The following PXDNL variants were observed in gnomAD, a reference collection of about 807,000 sequenced individuals.
PXDNL encodes the protein probable oxidoreductase PXDNL.
A neutral mutation model predicts 150.8 loss-of-function variants in PXDNL; 145 were observed. The ratio of observed to expected loss-of-function variants is 0.96; its 90% CI spans 0.84 to 1.10. The LOEUF (loss-of-function observed/expected upper bound fraction) is 1.10. PXDNL is among the 50% of genes least tolerant of loss of function. The probability of loss-of-function intolerance (pLI) is 0.00; values close to 1 mark genes in which losing one functional copy is unlikely to be tolerated. For missense variants in PXDNL, 2,087 were observed against 1,873.9 expected (o/e 1.11, Z -2.10); for synonymous variants, 757 against 725.7 (o/e 1.04, Z -0.69).
chr8:51,514,960 C>T (rs1403444293), intron 4 of PXDNL, among the ~76,000 whole-genome samples: 1 of 152,236 alleles, frequency 6.6e-6, no homozygotes, highest in Non-Finnish European at 1.5e-5. Context: ...AAACTTTGGT[C>T]TGAAGCATCA....
At chr8:51,803,643 G>T (rs974604745) in intron 1 of PXDNL, among the ~76,000 whole-genome samples, 5 of 152,176 alleles carry the variant, frequency 3.3e-5, no homozygotes, top group African/African-American at 1.2e-4. Flanking sequence ...CAGCTGCAAG[G>T]GGGGCACATT....
intron 1 of PXDNL, among the ~76,000 whole-genome samples, chr8:51,760,701 T>C (rs1454634812): frequency 6.6e-6 from 1 of 152,194 alleles, no homozygotes; most frequent in African/African-American, 2.4e-5. Flanking sequence ...CCCATAGTCA[T>C]AATCATGCGT....
intron 1 of PXDNL, among the ~76,000 whole-genome samples, chr8:51,806,244 A>G (rs2037674210): frequency 6.6e-6 from 1 of 152,240 alleles, no homozygotes; most frequent in African/African-American, 2.4e-5. Context: ...ACATGTAAAA[A>G]TGGAAAAAAT....
Position 51,809,387 on chromosome 8 carries a change from A to T in PXDNL, c.-43T>A. The T allele has an allele frequency of 3.4e-6, 5 of 1,490,644 alleles. No homozygotes were observed. Among genetic ancestry groups the T allele is most frequent in the Non-Finnish European group, 4.5e-6 (5 of 1,121,658 alleles). 92.3% of individuals were successfully genotyped at this position (1,490,644 alleles called of 1,614,324 possible). ...GCCACGCGAAGAAGCAGCCGGAGGG[A>T]GAGCAGCAGCTGCAGCTGCAGCAGC... On this transcript the variant is annotated 5_prime_UTR_variant, in exon 1 of 23. Coordinates refer to ENST00000356297, the MANE Select transcript of PXDNL (RefSeq NM_144651.5).
rs191524186 is a variant in PXDNL, at chr8:51,546,276, C to T, written c.380+10564G>A. On this transcript the variant is annotated intron_variant, in intron 4 of 22. Transcript: ENST00000356297. ...ATCACAAGGGAAGGATTTAACCTTACCTATACCTGAAATGGATTTAAGGAG... is the reference window on the plus strand; with the variant it reads ...ATCACAAGGGAAGGATTTAACCTTATCTATACCTGAAATGGATTTAAGGAG... Among the ~76,000 whole-genome samples, 568 of 152,330 alleles carry T rather than the reference C, an allele frequency of 3.7e-3. 2 individuals are homozygous for T. The highest frequency in any genetic ancestry group is 0.014 in the Middle Eastern group (4 of 294).
chr8:51,384,672 T>A (rs1402635121), intron 17 of PXDNL, among the ~76,000 whole-genome samples: 1 of 152,160 alleles, frequency 6.6e-6, no homozygotes, highest in Non-Finnish European at 1.5e-5. Flanking sequence ...CTCAAGCGAC[T>A]TTTGTTTTTA....
chr8:51,402,708 A>G (rs1808294329), intron 17 of PXDNL, among the ~76,000 whole-genome samples: 1 of 152,186 alleles, frequency 6.6e-6, no homozygotes, highest in Admixed American at 6.5e-5. Flanking sequence ...ATTTATGTTC[A>G]CCATTCAGTG....
At chr8:51,666,412 G>A (rs969056860) in intron 1 of PXDNL, among the ~76,000 whole-genome samples, 1 of 152,074 alleles carries the variant, frequency 6.6e-6, no homozygotes, top group African/African-American at 2.4e-5. Flanking sequence ...GTATATGCAT[G>A]AGGAAGCATA....
intron 1 of PXDNL, among the ~76,000 whole-genome samples, chr8:51,748,025 G>A (rs549731154): frequency 2.2e-4 from 33 of 152,166 alleles, no homozygotes; most frequent in Non-Finnish European, 4.1e-4. Flanking sequence ...ATCTGAGTGT[G>A]AGTGGTAAAT....
At chr8:51,710,530 T>C (rs1816477593) in intron 1 of PXDNL, among the ~76,000 whole-genome samples, 1 of 152,204 alleles carries the variant, frequency 6.6e-6, no homozygotes, top group South Asian at 2.1e-4. Flanking sequence ...TGTTGTACAA[T>C]AGATCTCCTG....
At chr8:51,325,399 G>A (rs1805451585) in intron 21 of PXDNL, among the ~76,000 whole-genome samples, 1 of 152,174 alleles carries the variant, frequency 6.6e-6, no homozygotes, top group Admixed American at 6.5e-5. Context: ...GGGAATAGAA[G>A]TCCAGGTTCC....
intron 4 of PXDNL, among the ~76,000 whole-genome samples, chr8:51,533,096 C>A (rs549759521): frequency 2.6e-5 from 4 of 152,168 alleles, no homozygotes; most frequent in Non-Finnish European, 5.9e-5. Context: ...GAATCAGAAT[C>A]TTCTTTTAAA....
At chr8:51,541,930 C>T (rs1290654054) in intron 4 of PXDNL, among the ~76,000 whole-genome samples, 1 of 152,114 alleles carries the variant, frequency 6.6e-6, no homozygotes, top group Non-Finnish European at 1.5e-5. Flanking sequence ...CTGGTCTCTC[C>T]TATTCCATCA....
chr8:51,563,823 G>T (rs1042832227), intron 3 of PXDNL, among the ~76,000 whole-genome samples: 3 of 151,924 alleles, frequency 2.0e-5, no homozygotes, highest in African/African-American at 7.2e-5. Context: ...GTGGTATCAT[G>T]CTCTGCTCAA....
At chr8:51,620,397 A>T (rs1035716169) in intron 2 of PXDNL, among the ~76,000 whole-genome samples, 1 of 152,144 alleles carries the variant, frequency 6.6e-6, no homozygotes, top group Admixed American at 6.6e-5. Flanking sequence ...TTATTCCTAG[A>T]GTGATTTTAG....
intron 5 of PXDNL, among the ~76,000 whole-genome samples, chr8:51,487,703 T>C (rs1156455836): frequency 6.6e-6 from 1 of 152,194 alleles, no homozygotes; most frequent in African/African-American, 2.4e-5. Context: ...ATAAGACTTA[T>C]CTTTTGGAGA....
chr8:51,418,234 A>C lies in PXDNL; in HGVS notation c.1796-4976T>G, dbSNP rs141051043. Among the ~76,000 whole-genome samples, 410 of 152,304 alleles carry C rather than the reference A, an allele frequency of 2.7e-3. 2 individuals are homozygous for C. The highest frequency in any genetic ancestry group is 9.4e-3 in the African/African-American group (390 of 41,572). Reference sequence around the variant, plus strand: ...TATTTCCCCACTCATTGTATTATTAAAGTTTGACAAAAATAAAATAGAAAA... The same window carrying C: ...TATTTCCCCACTCATTGTATTATTACAGTTTGACAAAAATAAAATAGAAAA... On this transcript the variant is annotated intron_variant, in intron 14 of 22. Transcript: ENST00000356297.
At chr8:51,497,918 A>C (rs1390200792) in intron 5 of PXDNL, among the ~76,000 whole-genome samples, 2 of 152,312 alleles carry the variant, frequency 1.3e-5, no homozygotes, top group Admixed American at 1.3e-4. Context: ...TGACCCAGCC[A>C]TCCCATTACT....
intron 3 of PXDNL, among the ~76,000 whole-genome samples, chr8:51,561,198 G>A (rs1812711095): frequency 6.6e-6 from 1 of 151,886 alleles, no homozygotes; most frequent in Non-Finnish European, 1.5e-5. Flanking sequence ...ACTGTATGGA[G>A]AGTCCTTAAA....
Sources: allele counts gnomAD v4.1 joint callset (sites outside exome capture counted in the v4.1 genomes callset), GRCh38; gene constraint gnomAD v4.1.1; transcripts MANE v1.5; gene names NCBI Gene and HGNC (gene_info 2026-07-23, HGNC 2026-07-21).